The following ITIH5 variants were observed in gnomAD, a reference collection of about 807,000 sequenced individuals.
ITIH5 encodes the protein inter-alpha-trypsin inhibitor heavy chain 5.
A neutral mutation model predicts 77.5 loss-of-function variants in ITIH5; 65 were observed. The ratio of observed to expected loss-of-function variants is 0.84; its 90% CI spans 0.69 to 1.03. The LOEUF is 1.03. ITIH5 is among the 50% of genes least tolerant of loss of function. ITIH5 has a pLI of 0.00. For synonymous variants in ITIH5, 525 were observed against 494.3 expected, an observed-to-expected ratio of 1.06 and a Z score of -0.82; for missense variants, 1,208 against 1,213.1, an observed-to-expected ratio of 1.00 and a Z score of 0.06.
At chr10:7,657,935 A>C (rs1017429878) in intron 1 of ITIH5, among the ~76,000 whole-genome samples, 2 of 152,216 alleles carry the variant, frequency 1.3e-5, no homozygotes, top group Non-Finnish European at 1.5e-5. Flanking sequence ...CCCACTGCTG[A>C]CCCAAGATGG....
chr10:7,655,201 C>T (rs370666778), intron 2 of ITIH5, among the ~76,000 whole-genome samples: 5 of 152,216 alleles, frequency 3.3e-5, no homozygotes, highest in South Asian at 2.1e-4. Flanking sequence ...ACATTTGCCC[C>T]GGTCCCAATC....
intron 11 of ITIH5, chr10:7,572,218 G>T: frequency 1.6e-6 from 2 of 1,262,880 alleles, no homozygotes; most frequent in Non-Finnish European, 1.0e-6. Context: ...GAACTTGCAC[G>T]TACAGCACAG....
At chr10:7,580,855 T>G (rs1832537681) in intron 8 of ITIH5, among the ~76,000 whole-genome samples, 1 of 152,184 alleles carries the variant, frequency 6.6e-6, no homozygotes, top group Admixed American at 6.5e-5. Context: ...TTCCTGTCCC[T>G]TCAGATCACC....
intron 5 of ITIH5, chr10:7,622,380 G>A (rs1833997016): frequency 6.6e-6 from 1 of 152,146 alleles, no homozygotes. Context: ...CACAGTCACA[G>A]AATCATTGTT....
At chr10:7,601,628 G>A (rs756175589) in intron 7 of ITIH5, among the ~76,000 whole-genome samples, 10 of 152,072 alleles carry the variant, frequency 6.6e-5, no homozygotes, top group Non-Finnish European at 1.2e-4. Flanking sequence ...TGCTTCTGGG[G>A]GTCCTTCCAG....
intron 5 of ITIH5, among the ~76,000 whole-genome samples, chr10:7,631,673 C>G (rs1833714897): frequency 6.6e-6 from 1 of 152,094 alleles, no homozygotes; most frequent in South Asian, 2.1e-4. Context: ...CTACACTGGC[C>G]TGTATCTGAG....
At chr10:7,662,622 C>T (rs998109988) in intron 1 of ITIH5, among the ~76,000 whole-genome samples, 7 of 152,312 alleles carry the variant, frequency 4.6e-5, no homozygotes, top group African/African-American at 1.2e-4. Flanking sequence ...GGGGAAAGTG[C>T]TAGTTAGGAA....
intron 7 of ITIH5, among the ~76,000 whole-genome samples, chr10:7,604,775 C>G (rs1304048079): frequency 2.6e-5 from 4 of 152,168 alleles, no homozygotes. Context: ...TATTTCTCTC[C>G]CCTACAATCC....
chr10:7,576,453 C>T lies in ITIH5; in HGVS notation c.1978G>A (p.Gly660Arg), dbSNP rs768431784. The T allele has an allele frequency of 1.1e-4, 179 of 1,578,978 alleles. 1 individual carries two copies. Among genetic ancestry groups the T allele is most frequent in the Non-Finnish European group, 1.3e-4 (147 of 1,165,214 alleles). Reference sequence around the variant, plus strand: ...CCTGGCTGGCACAGGTGCCTCGTACCTGGCTGCGTGCCAGCTCCTCGCACG... The same window carrying T: ...CCTGGCTGGCACAGGTGCCTCGTACTTGGCTGCGTGCCAGCTCCTCGCACG... ...QSVRGAGTQP[G>R]PLLKKPYQPR... Residue 660 changes from glycine (G) to arginine (R), a missense_variant and splice_region_variant, in exon 10 of 14, where the codon GGA becomes AGA. By Grantham distance (125) the Gly-to-Arg change is moderately radical (BLOSUM62 -2). Coordinates refer to ENST00000397146, the MANE Select transcript of ITIH5 (RefSeq NM_030569.7).
At chr10:7,579,700 G>A (rs1832499590) in intron 9 of ITIH5, 55 bp downstream of exon 9, 3 of 1,557,642 alleles carry the variant, frequency 1.9e-6, no homozygotes, top group South Asian at 1.1e-5. Flanking sequence ...TCCCACCGCA[G>A]CCACCCCTCA....
intron 3 of ITIH5, among the ~76,000 whole-genome samples, chr10:7,641,469 C>A (rs908091499): frequency 1.3e-5 from 2 of 151,420 alleles, no homozygotes; most frequent in Non-Finnish European, 2.9e-5. Context: ...CTGTCTTTCT[C>A]AGAGAAGTGC....
At chr10:7,563,408 G>A (rs780661368) in intron 13 of ITIH5, 24 bp from the exon 14 acceptor site, 9 of 1,600,972 alleles carry the variant, frequency 5.6e-6, no homozygotes, top group South Asian at 1.1e-5. Flanking sequence ...GAAAAGCATC[G>A]GGTCTCAGTC....
rs543300408 is a variant in ITIH5 at position 7,566,373 on chromosome 10, G to C, written c.2184C>G (p.Pro728=). ...GTTTCTTGTGGCCATTTGGAGGGGCGGGTGCCCCAATTAACTCTCCGTTCA... is the reference window on the plus strand; with the variant it reads ...GTTTCTTGTGGCCATTTGGAGGGGCCGGTGCCCCAATTAACTCTCCGTTCA... ...VTVNGELIGA[P]APPNGHKKQR... The change falls in exon 13 of 14, where the codon CCC becomes CCG. Residue 728 remains proline (P), a synonymous_variant. Transcript: ENST00000397146. The C allele has an allele frequency of 6.2e-6, 10 of 1,603,172 alleles. No homozygotes were observed. Among genetic ancestry groups the C allele is most frequent in the Non-Finnish European group, 2.6e-6 (3 of 1,171,044 alleles).
At chr10:7,576,183 T>G (rs1379928914) in intron 10 of ITIH5, among the ~76,000 whole-genome samples, 1 of 151,992 alleles carries the variant, frequency 6.6e-6, no homozygotes, top group African/African-American at 2.4e-5. Flanking sequence ...CCACCATACA[T>G]AGATAATTAA....
At chr10:7,628,251 T>G (rs1314320514) in intron 5 of ITIH5, among the ~76,000 whole-genome samples, 1 of 152,178 alleles carries the variant, frequency 6.6e-6, no homozygotes, top group African/African-American at 2.4e-5. Context: ...CCAAGGAAAC[T>G]CTGTAACCAT....
At chr10:7,565,191 TATATAC>T (rs1026104792) in intron 13 of ITIH5, among the ~76,000 whole-genome samples, 3 of 58,346 alleles carry the variant, frequency 5.1e-5, no homozygotes, top group Non-Finnish European at 1.1e-4. Context: ...TATATATATA[TATATAC>T]ACACACATAC....
At chr10:7,612,482 A>G (rs1211633152) in intron 7 of ITIH5, among the ~76,000 whole-genome samples, 1 of 152,184 alleles carries the variant, frequency 6.6e-6, no homozygotes, top group Non-Finnish European at 1.5e-5. Context: ...GTTTTTAAAG[A>G]ATATTTAATG....
intron 5 of ITIH5, among the ~76,000 whole-genome samples, chr10:7,629,754 G>A (rs1833683097): frequency 6.6e-6 from 1 of 152,126 alleles, no homozygotes; most frequent in Non-Finnish European, 1.5e-5. Flanking sequence ...CCACTTTGGG[G>A]CTACTGTGAA....
chr10:7,600,438 G>A (rs1180012539), intron 7 of ITIH5: 3 of 436,842 alleles, frequency 6.9e-6, no homozygotes, highest in African/African-American at 4.0e-5. Context: ...TGAGCACTAG[G>A]TCCCTTCAGC....
Sources: allele counts gnomAD v4.1 joint callset (sites outside exome capture counted in the v4.1 genomes callset), GRCh38; gene constraint gnomAD v4.1.1; transcripts MANE v1.5; gene names NCBI Gene and HGNC (gene_info 2026-07-23, HGNC 2026-07-21).